Variants in BCKDHB observed in about 807,000 individuals in gnomAD.
BCKDHB encodes 2-oxoisovalerate dehydrogenase subunit beta, mitochondrial.
BCKDHB carries 41 observed loss-of-function variants against 48.5 expected under a neutral mutation model. The ratio of observed to expected loss-of-function variants is 0.85; its 90% CI spans 0.66 to 1.10. The LOEUF (loss-of-function observed/expected upper bound fraction) is 1.10. BCKDHB is among the 50% of genes least tolerant of loss of function. The pLI, the probability that BCKDHB is intolerant of heterozygous loss-of-function variation, is 0.00. For synonymous variants in BCKDHB, 201 were observed against 174.8 expected, an observed-to-expected ratio of 1.15 and a Z score of -1.18; for missense variants, 496 against 494.2, an observed-to-expected ratio of 1.00 and a Z score of -0.03.
At chr6:80,369,138 T>C in the BCKDHB span, among the ~76,000 whole-genome samples, 16 of 141,846 alleles carry the variant, frequency 1.1e-4, no homozygotes, top group Non-Finnish European at 9.4e-5. Context: ...GATGTTGAAA[T>C]TGTAATTTGA....
chr6:80,419,893 C>A, the BCKDHB span, among the ~76,000 whole-genome samples: 1 of 152,068 alleles, frequency 6.6e-6, no homozygotes, highest in Non-Finnish European at 1.5e-5. Context: ...TTTGAATATG[C>A]TAATTCTTTC....
the BCKDHB span, among the ~76,000 whole-genome samples, chr6:80,432,534 G>A: frequency 1.3e-5 from 2 of 152,112 alleles, no homozygotes; most frequent in South Asian, 4.1e-4. Context: ...GCTCCATCTG[G>A]TCATTTATGT....
chr6:80,291,799 A>T (rs535706708), intron 9 of BCKDHB, among the ~76,000 whole-genome samples: 1 of 152,136 alleles, frequency 6.6e-6, no homozygotes, highest in Non-Finnish European at 1.5e-5. Context: ...TTGAAACATA[A>T]TTTTTTTCGT....
chr6:80,220,571 G>C (rs72894416), intron 8 of BCKDHB, among the ~76,000 whole-genome samples: 1,931 of 151,442 alleles, frequency 0.013, 18 homozygotes, highest in Middle Eastern at 0.021. Flanking sequence ...CATTGCTTTA[G>C]GGTAAATGAA....
chr6:80,127,037 G>A (rs1770378872), intron 1 of BCKDHB, among the ~76,000 whole-genome samples: 1 of 152,108 alleles, frequency 6.6e-6, no homozygotes, highest in Non-Finnish European at 1.5e-5. Flanking sequence ...TAAATATGAT[G>A]TGGTTAGGCA....
the BCKDHB span, among the ~76,000 whole-genome samples, chr6:80,353,846 C>T: frequency 2.3e-5 from 2 of 86,742 alleles, no homozygotes; most frequent in Admixed American, 1.6e-4. Flanking sequence ...AAGTGAGACT[C>T]CGTCTCAAAA....
chr6:80,257,907 C>A (rs963789449), intron 8 of BCKDHB, among the ~76,000 whole-genome samples: 1 of 151,872 alleles, frequency 6.6e-6, no homozygotes, highest in Non-Finnish European at 1.5e-5. Flanking sequence ...TGCCTGACTG[C>A]AATAAGGACA....
intron 9 of BCKDHB, among the ~76,000 whole-genome samples, chr6:80,312,385 A>T (rs1449401658): frequency 6.6e-6 from 1 of 152,160 alleles, no homozygotes; most frequent in African/African-American, 2.4e-5. Context: ...AGATAGTTTG[A>T]CTTCCTCTCT....
At chr6:80,378,801 T>A in the BCKDHB span, among the ~76,000 whole-genome samples, 2 of 152,180 alleles carry the variant, frequency 1.3e-5, no homozygotes, top group Non-Finnish European at 2.9e-5. Context: ...TAACATATGT[T>A]GTTTTTTAAC....
At chr6:80,116,983 ATAACTC>A (rs1173126672) in intron 1 of BCKDHB, among the ~76,000 whole-genome samples, 1 of 152,220 alleles carries the variant, frequency 6.6e-6, no homozygotes, top group African/African-American at 2.4e-5. Context: ...AGGAGAATAA[ATAACTC>A]TAAGGAAAAT....
chr6:80,354,330 C>T, the BCKDHB span, among the ~76,000 whole-genome samples: 2 of 152,096 alleles, frequency 1.3e-5, no homozygotes, highest in African/African-American at 2.4e-5. Flanking sequence ...CGGGTTCAAA[C>T]AATTCTCCTG....
the BCKDHB span, among the ~76,000 whole-genome samples, chr6:80,460,501 G>C: frequency 1.8e-4 from 28 of 152,222 alleles, no homozygotes; most frequent in African/African-American, 6.7e-4. Flanking sequence ...AGTAAAGAAT[G>C]CCCAAGCATT....
At chr6:80,218,926 T>TC (rs1775291611) in intron 8 of BCKDHB, among the ~76,000 whole-genome samples, 1 of 152,180 alleles carries the variant, frequency 6.6e-6, no homozygotes, top group Non-Finnish European at 1.5e-5. Context: ...CTGTTGGGGG[T>TC]AAGATTTTAT....
chr6:80,230,023 G>GTTTTTTTTTTTTTTTTTTTTT (rs1215666594), intron 8 of BCKDHB, among the ~76,000 whole-genome samples: 1 of 89,510 alleles, frequency 1.1e-5, no homozygotes, highest in African/African-American at 5.7e-5. Context: ...GGGTTTTTAG[G>GTTTTTTTTTTTTTTTTTTTTT]TTGTTTTTTT....
chr6:80,426,891 G>T, the BCKDHB span, among the ~76,000 whole-genome samples: 2 of 151,958 alleles, frequency 1.3e-5, no homozygotes, highest in African/African-American at 4.8e-5. Flanking sequence ...CTGTATGATC[G>T]TTCTACCATC....
chr6:80,171,685 GA>G (rs1220569434), intron 6 of BCKDHB, among the ~76,000 whole-genome samples: 1 of 152,088 alleles, frequency 6.6e-6, no homozygotes, highest in African/African-American at 2.4e-5. Context: ...GGATTGAACA[GA>G]AAAGTAAATG....
intron 9 of BCKDHB, among the ~76,000 whole-genome samples, chr6:80,274,478 C>T (rs1162926701): frequency 6.6e-6 from 1 of 151,740 alleles, no homozygotes; most frequent in African/African-American, 2.4e-5. Flanking sequence ...AAGATTAGGG[C>T]AATCATTTCA....
intron 6 of BCKDHB, among the ~76,000 whole-genome samples, chr6:80,196,748 G>A (rs1359010167): frequency 6.6e-6 from 1 of 152,110 alleles, no homozygotes; most frequent in Non-Finnish European, 1.5e-5. Context: ...AGGAGGATGG[G>A]AAATAGAATG....
chr6:80,292,388 C>T (rs1190720996), intron 9 of BCKDHB, among the ~76,000 whole-genome samples: 1 of 152,120 alleles, frequency 6.6e-6, no homozygotes, highest in Non-Finnish European at 1.5e-5. Context: ...TCTTACAAGG[C>T]AGCAAGCAAA....
Sources: gnomAD v4.1 joint callset for allele counts (sites outside exome capture counted in the v4.1 genomes callset) on GRCh38, gnomAD v4.1.1 for gene constraint, MANE v1.5 for transcripts, NCBI Gene and HGNC (gene_info 2026-07-23, HGNC 2026-07-21) for gene names.